The following BRAF variants were observed in gnomAD, a reference collection of about 807,000 sequenced individuals.
The protein encoded by BRAF is B-Raf proto-oncogene, serine/threonine kinase.
A neutral mutation model predicts 104.6 loss-of-function variants in BRAF; 16 were observed. The ratio of observed to expected loss-of-function variants is 0.15; its 90% CI spans 0.10 to 0.23. The LOEUF (loss-of-function observed/expected upper bound fraction) is 0.23, where lower values mean the gene tolerates loss of function less well. Ranked by LOEUF, BRAF falls within the 10% of genes least tolerant of loss-of-function variation. The pLI is 1.00. For synonymous variants in BRAF, 310 were observed against 341.6 expected (o/e 0.91, Z 1.02); for missense variants, 541 against 937.3 (o/e 0.58, Z 5.52).
intron 3 of BRAF, among the ~76,000 whole-genome samples, chr7:140,814,975 T>C (rs10241880): frequency 0.012 from 1,829 of 151,752 alleles, 35 homozygotes; most frequent in African/African-American, 0.041. Context: ...CAGACGATTA[T>C]ATGCCTTAAG....
intron 1 of BRAF, among the ~76,000 whole-genome samples, chr7:140,870,386 C>G (rs143663995): frequency 6.6e-6 from 1 of 152,094 alleles, no homozygotes. Flanking sequence ...CAAAAATATT[C>G]TTAAAACATT....
Position 140,724,414 on chromosome 7 carries a change from G to A in BRAF, c.*2080C>T. ...CAGCCAATGCTTTTCAAGAGAGGCAGTATTATTGCACAGAAGATGTTCTTC... is the reference window on the plus strand; with the variant it reads ...CAGCCAATGCTTTTCAAGAGAGGCAATATTATTGCACAGAAGATGTTCTTC... On this transcript the variant is annotated 3_prime_UTR_variant, in exon 20 of 20. Coordinates refer to ENST00000644969, the MANE Select transcript of BRAF (RefSeq NM_001374258.1). 9.5e-7 allele frequency: 1 copy of A among 1,055,754 alleles called. No individual in the cohort carries two copies. Among genetic ancestry groups the A allele is most frequent in the East Asian group, 5.3e-5 (1 of 18,844 alleles). The allele number at this position is 1,055,754 out of a possible 1,614,324, so 65.4% of individuals were successfully genotyped here.
intron 2 of BRAF, chr7:140,835,907 AAGG>A (rs913542516): frequency 6.6e-6 from 1 of 152,188 alleles, no homozygotes; most frequent in African/African-American, 2.4e-5. Context: ...CCCGTCTCTC[AAGG>A]AGTTTACTGT....
In BRAF at chr7:140,725,477, T is replaced by C. The variant is rs1020728522; in HGVS notation, c.*1017A>G. The stretch of plus-strand genomic sequence containing the variant: ...AAAATTATTTTCTTTTTAATAAAAA[T>C]AGAAAAGAAGAAACTCAGAAATTAA... On this transcript the variant is annotated 3_prime_UTR_variant, in exon 20 of 20. Coordinates refer to ENST00000644969, the MANE Select transcript of BRAF (RefSeq NM_001374258.1). The C allele has an allele frequency of 3.2e-6, 3 of 938,720 alleles. No homozygotes were observed. The highest frequency in any genetic ancestry group is 3.9e-6 in the Non-Finnish European group (3 of 771,728). 58.1% of individuals were successfully genotyped at this position (938,720 alleles called of 1,614,324 possible).
At chr7:140,915,886 C>T (rs1024940946) in intron 1 of BRAF, among the ~76,000 whole-genome samples, 9 of 148,816 alleles carry the variant, frequency 6.0e-5, no homozygotes, top group African/African-American at 2.0e-4. Flanking sequence ...ATGCTGGGTG[C>T]GGTGGCTCAT....
At chr7:140,867,698 A>G (rs772986867) in intron 1 of BRAF, among the ~76,000 whole-genome samples, 1 of 152,230 alleles carries the variant, frequency 6.6e-6, no homozygotes, top group African/African-American at 2.4e-5. Context: ...AAACAAGTTC[A>G]GCATGCAGGT....
rs1373056610 is a variant in BRAF at position 140,725,047 on chromosome 7, C to A, written c.*1447G>T. The A allele has an allele frequency of 1.1e-5, 11 of 1,046,612 alleles. No homozygotes were observed. Among genetic ancestry groups the A allele is most frequent in the Non-Finnish European group, 1.3e-5 (11 of 867,600 alleles). 64.8% of individuals were successfully genotyped at this position (1,046,612 alleles called of 1,614,324 possible). A position where few individuals can be genotyped will look rare whatever the true frequency, so the allele number is the denominator to read the frequency against. ...CACACCCTCCCTCAGTCCTAATATCCCTAAAATTGCTCTATTCTCTGTCTG... is the reference window on the plus strand; with the variant it reads ...CACACCCTCCCTCAGTCCTAATATCACTAAAATTGCTCTATTCTCTGTCTG... On this transcript the variant is annotated 3_prime_UTR_variant, in exon 20 of 20. Coordinates refer to ENST00000644969, the MANE Select transcript of BRAF (RefSeq NM_001374258.1).
At chr7:140,750,563 G>A (rs1342039854) in intron 16 of BRAF, among the ~76,000 whole-genome samples, 1 of 152,220 alleles carries the variant, frequency 6.6e-6, no homozygotes, top group East Asian at 1.9e-4. Flanking sequence ...AGATCTGTGG[G>A]ATGTCCTGAA....
chr7:140,831,259 T>C (rs967238901), intron 3 of BRAF, among the ~76,000 whole-genome samples: 7 of 152,186 alleles, frequency 4.6e-5, no homozygotes, highest in African/African-American at 1.7e-4. Context: ...GTTGACAGTA[T>C]AGTAGGGGAA....
chr7:140,786,994 G>T (rs1226600751), intron 9 of BRAF, among the ~76,000 whole-genome samples: 1 of 152,128 alleles, frequency 6.6e-6, no homozygotes, highest in Non-Finnish European at 1.5e-5. Context: ...TAAAACTGTA[G>T]ATAATACATT....
chr7:140,803,950 T>C (rs1586222702), intron 5 of BRAF, among the ~76,000 whole-genome samples: 1 of 152,174 alleles, frequency 6.6e-6, no homozygotes, highest in Admixed American at 6.6e-5. Flanking sequence ...AGTGGCAGGA[T>C]CTCGGCCCAC....
At chr7:140,762,608 T>A (rs1009756613) in intron 14 of BRAF, among the ~76,000 whole-genome samples, 1 of 134,454 alleles carries the variant, frequency 7.4e-6, no homozygotes, top group East Asian at 2.1e-4. Flanking sequence ...GAGCTGTTTT[T>A]TTTTTTTTTT....
chr7:140,898,695 A>G (rs937640291), intron 1 of BRAF, among the ~76,000 whole-genome samples: 1 of 152,170 alleles, frequency 6.6e-6, no homozygotes. Flanking sequence ...CCTTAATCAC[A>G]TCCACTTTCT....
At chr7:140,755,139 T>A (rs1430293175) in intron 14 of BRAF, among the ~76,000 whole-genome samples, 1 of 152,186 alleles carries the variant, frequency 6.6e-6, no homozygotes, top group Non-Finnish European at 1.5e-5. Context: ...TCAAAAGGGC[T>A]GTGTCTTGTT....
At chr7:140,781,362 T>C (rs887280980) in intron 12 of BRAF, 4 of 560,304 alleles carry the variant, frequency 7.1e-6, no homozygotes, top group Non-Finnish European at 1.3e-5. Flanking sequence ...TAAAAATTAT[T>C]ACTGTAATAA....
Position 140,723,142 on chromosome 7 carries a change from G to A in BRAF, c.*3352C>T. On this transcript the variant is annotated 3_prime_UTR_variant, in exon 20 of 20. Transcript: ENST00000644969. ...GTTTCGAACTAAAGCTAGAGATGAG[G>A]TTTGCAAGCAGCTGGCGGGTGGATG... The A allele has an allele frequency of 9.5e-7, 1 of 1,052,544 alleles. No individual in the cohort carries two copies. The highest frequency in any genetic ancestry group is 1.1e-6 in the Non-Finnish European group (1 of 871,408). The allele number at this position is 1,052,544 out of a possible 1,614,324, so 65.2% of individuals were successfully genotyped here. A position where few individuals can be genotyped will look rare whatever the true frequency, so the allele number is the denominator to read the frequency against.
In BRAF at chr7:140,719,677, T is replaced by G. The variant is rs1795230700; in HGVS notation, c.*6817A>C. The G allele has an allele frequency of 3.7e-5, 39 of 1,058,402 alleles. No individual in the cohort carries two copies. Among genetic ancestry groups the G allele is most frequent in the Non-Finnish European group, 4.4e-5 (38 of 873,514 alleles). 65.6% of individuals were successfully genotyped at this position (1,058,402 alleles called of 1,614,324 possible). ...GAGAATAGGGGAAAAGAGGGAGACA[T>G]CATCCATTTGACTGAAAATAAATGT... On this transcript the variant is annotated 3_prime_UTR_variant, in exon 20 of 20. Transcript: ENST00000644969.
At chr7:140,732,796 TAA>T (rs1796086243) in intron 19 of BRAF, 1 of 152,226 alleles carries the variant, frequency 6.6e-6, no homozygotes, top group Non-Finnish European at 1.5e-5. Flanking sequence ...GCTCTATCAA[TAA>T]AGAGACCCCT....
chr7:140,898,053 A>C (rs531785955), intron 1 of BRAF, among the ~76,000 whole-genome samples: 2 of 152,120 alleles, frequency 1.3e-5, no homozygotes, highest in East Asian at 3.9e-4. Flanking sequence ...TTCTTTTTCA[A>C]ATTAGTTGGG....
Sources: gnomAD v4.1 joint callset for allele counts (sites outside exome capture counted in the v4.1 genomes callset) on GRCh38, gnomAD v4.1.1 for gene constraint, MANE v1.5 for transcripts, NCBI Gene and HGNC (gene_info 2026-07-23, HGNC 2026-07-21) for gene names.